Variants in KDM5A observed in about 807,000 individuals in gnomAD.
The protein encoded by KDM5A is lysine demethylase 5A.
A neutral mutation model predicts 193.5 loss-of-function variants in KDM5A; 42 were observed. The ratio of observed to expected loss-of-function variants is 0.22; its 90% CI spans 0.17 to 0.28. The LOEUF is 0.28. KDM5A is among the 10% of genes least tolerant of loss of function. The probability of loss-of-function intolerance (pLI) is 1.00; values close to 1 mark genes in which losing one functional copy is unlikely to be tolerated. For missense variants in KDM5A, 1,692 were observed against 2,055.1 expected (o/e 0.82, Z 3.42); for synonymous variants, 796 against 718.1 (o/e 1.11, Z -1.73).
intron 13 of KDM5A, among the ~76,000 whole-genome samples, chr12:331,237 A>G (rs1347247811): frequency 2.6e-5 from 4 of 152,230 alleles, no homozygotes; most frequent in South Asian, 2.1e-4. Context: ...GATCACCTTA[A>G]TAAGTCCCAA....
intron 3 of KDM5A, among the ~76,000 whole-genome samples, chr12:376,678 G>A (rs12311569): frequency 0.58 from 88,693 of 152,070 alleles, 28,207 homozygotes; most frequent in Non-Finnish European, 0.72. Context: ...CGCTCACGCT[G>A]GGAGCTGTAG....
intron 6 of KDM5A, 137 bp downstream of exon 6, chr12:356,295 G>A (rs545401309): frequency 6.0e-6 from 4 of 669,948 alleles, no homozygotes; most frequent in African/African-American, 3.6e-5. Flanking sequence ...TAAAAAAGGC[G>A]ATTTGCCTAG....
At chr12:381,720 G>A (rs774199810) in intron 3 of KDM5A, among the ~76,000 whole-genome samples, 14 of 152,064 alleles carry the variant, frequency 9.2e-5, no homozygotes, top group East Asian at 5.8e-4. Flanking sequence ...GTATTTTAGC[G>A]TAAGACCGTA....
In KDM5A at chr12:323,448, C is replaced by A. The variant is rs1943746143; in HGVS notation, c.2150+152G>T. 8.8e-6 allele frequency: 8 copies of A among 913,078 alleles called. No individual in the cohort carries two copies. In the East Asian group the frequency reaches 2.0e-4, roughly 23 times the overall value. 56.6% of individuals were successfully genotyped at this position (913,078 alleles called of 1,614,324 possible). A position where few individuals can be genotyped will look rare whatever the true frequency, so the allele number is the denominator to read the frequency against. ...TAATTTCAGCTGCCAGGTTTAGGGC[C>A]AACTTTAAGGGACTGGTCTTCAAGC... On this transcript the variant is annotated intron_variant, in intron 15 of 27. Transcript: ENST00000399788.
intron 24 of KDM5A, among the ~76,000 whole-genome samples, chr12:298,388 C>T (rs936483385): frequency 3.3e-5 from 5 of 152,202 alleles, no homozygotes; most frequent in South Asian, 2.1e-4. Context: ...CCTCTGCTGG[C>T]GATACCCAGG....
At position 356,469 on chromosome 12, in the gene KDM5A, C is replaced by A; in HGVS notation, c.741G>T (p.Lys247Asn). 2 of 1,613,222 alleles carry A rather than the reference C, an allele frequency of 1.2e-6. No homozygotes were observed. The highest frequency in any genetic ancestry group is 1.7e-6 in the Non-Finnish European group (2 of 1,179,194). ...TTGTTCCCATTGCCAAGCCCACAAC[C>A]TTGGGCCCAGCCCCAAAAATCTGAA... ...KKLQIFGAGP[K>N]VVGLAMGTKD... The change falls in exon 6 of 28, where the codon AAG (lysine) becomes AAT (asparagine). Residue 247 changes from lysine (K) to asparagine (N), a missense_variant. Lys to Asn is a moderately conservative substitution (Grantham distance 94). Transcript: ENST00000399788.
intron 18 of KDM5A, among the ~76,000 whole-genome samples, chr12:318,838 G>A (rs933085638): frequency 3.5e-4 from 54 of 152,266 alleles, no homozygotes; most frequent in Non-Finnish European, 5.1e-4. Context: ...AGTGTCAAGC[G>A]CTCTGAAAAT....
intron 18 of KDM5A, among the ~76,000 whole-genome samples, chr12:319,477 G>A (rs755817887): frequency 3.9e-5 from 6 of 152,216 alleles, no homozygotes; most frequent in South Asian, 2.1e-4. Flanking sequence ...ATTAAAAGGC[G>A]TGGTGGCTCA....
chr12:326,312 C>T (rs1203841471), intron 14 of KDM5A, among the ~76,000 whole-genome samples: 1 of 152,092 alleles, frequency 6.6e-6, no homozygotes, highest in African/African-American at 2.4e-5. Context: ...GAACTGAAAC[C>T]ACAAGGTAAT....
intron 3 of KDM5A, among the ~76,000 whole-genome samples, chr12:380,456 C>T (rs1257124955): frequency 6.6e-6 from 1 of 152,130 alleles, no homozygotes; most frequent in East Asian, 1.9e-4. Context: ...TGGCTCACAC[C>T]TGTAATCCCT....
chr12:309,764 A>T (rs1943559612), intron 22 of KDM5A, 39 bp downstream of exon 22: 4 of 1,606,434 alleles, frequency 2.5e-6, no homozygotes, highest in Non-Finnish European at 3.4e-6. Flanking sequence ...AGAGTTTTGT[A>T]TTCACCAAGC....
intron 6 of KDM5A, 83 bp downstream of exon 6, chr12:356,349 A>G: frequency 1.1e-6 from 1 of 869,870 alleles, no homozygotes; most frequent in Non-Finnish European, 1.9e-6. Context: ...TTCCCAGCAC[A>G]GACTGCAATT....
intron 18 of KDM5A, among the ~76,000 whole-genome samples, chr12:320,218 C>T (rs903555602): frequency 5.3e-5 from 8 of 152,172 alleles, no homozygotes; most frequent in Admixed American, 3.3e-4. Flanking sequence ...TATTTTAGGC[C>T]GGGTGCGGTG....
rs1411088868 is a variant in KDM5A at position 281,168 on chromosome 12, CAAG to C, written c.*4285_*4287del. 1 of 232,874 alleles carries C rather than the reference CAAG, an allele frequency of 4.3e-6. No individual in the cohort carries two copies. The highest frequency in any genetic ancestry group is 8.5e-6 in the Non-Finnish European group (1 of 117,942). The allele number at this position is 232,874 out of a possible 1,614,324, so 14.4% of individuals were successfully genotyped here. On this transcript the variant is annotated 3_prime_UTR_variant, in exon 28 of 28. Transcript: ENST00000399788. ...ATATCTAATATTCTTTTAGAAAACA[CAAG>C]AAACACAAAACATGCTCAAAGATCA...
intron 11 of KDM5A, among the ~76,000 whole-genome samples, chr12:333,953 G>C (rs1407161494): frequency 6.6e-6 from 1 of 152,150 alleles, no homozygotes; most frequent in East Asian, 1.9e-4. Context: ...TGAAAAGTAA[G>C]CACTGTCCCA....
intron 20 of KDM5A, among the ~76,000 whole-genome samples, chr12:312,645 C>T (rs1474018896): frequency 3.3e-5 from 5 of 152,116 alleles, no homozygotes; most frequent in Admixed American, 2.0e-4. Context: ...CCTCAACTTA[C>T]GACAGGGTTA....
At chr12:336,744 G>C (rs1943938943) in intron 10 of KDM5A, among the ~76,000 whole-genome samples, 1 of 151,828 alleles carries the variant, frequency 6.6e-6, no homozygotes. Context: ...AGGAGGCTGA[G>C]GCAGTGCTTG....
chr12:308,544 T>C (rs1679588855), intron 22 of KDM5A, among the ~76,000 whole-genome samples: 3 of 152,322 alleles, frequency 2.0e-5, no homozygotes, highest in Admixed American at 6.5e-5. Flanking sequence ...CATGTATAAG[T>C]AGAATAACAA....
At chr12:299,932 C>T (rs187648089) in intron 24 of KDM5A, among the ~76,000 whole-genome samples, 1 of 134,408 alleles carries the variant, frequency 7.4e-6, no homozygotes, top group African/African-American at 3.0e-5. Context: ...CAACAAAGAT[C>T]AGAGACAAGG....
Sources: gnomAD v4.1 joint callset for allele counts (sites outside exome capture counted in the v4.1 genomes callset) on GRCh38, gnomAD v4.1.1 for gene constraint, MANE v1.5 for transcripts, NCBI Gene and HGNC (gene_info 2026-07-23, HGNC 2026-07-21) for gene names.